The following KLF12 variants were observed in gnomAD, a reference collection of about 807,000 sequenced individuals.
KLF12 encodes Krueppel-like factor 12.
A neutral mutation model predicts 37.8 loss-of-function variants in KLF12; 9 were observed. The ratio of observed to expected loss-of-function variants is 0.24; its 90% CI spans 0.14 to 0.42. KLF12 has a LOEUF of 0.42. Among genes scored for constraint, KLF12 ranks in the 10% least tolerant of loss-of-function variants. The probability of loss-of-function intolerance (pLI) is 1.00; values close to 1 mark genes in which losing one functional copy is unlikely to be tolerated. For missense variants in KLF12, 411 were observed against 516.0 expected (o/e 0.80, Z 1.97); for synonymous variants, 208 against 202.1 (o/e 1.03, Z -0.25).
intron 1 of KLF12, among the ~76,000 whole-genome samples, chr13:74,085,894 G>A (rs925239883): frequency 1.3e-5 from 2 of 152,060 alleles, no homozygotes; most frequent in African/African-American, 4.8e-5. Context: ...GCTGGTACCT[G>A]CTAAAATGCT....
At chr13:73,930,860 ATTT>A (rs11432866) in intron 3 of KLF12, among the ~76,000 whole-genome samples, 2,413 of 109,386 alleles carry the variant, frequency 0.022, 14 homozygotes, top group Middle Eastern at 0.049. Flanking sequence ...AACTGGAAAC[ATTT>A]TTTTTTTTTT....
intron 1 of KLF12, among the ~76,000 whole-genome samples, chr13:74,003,142 C>A (rs183575357): frequency 6.6e-6 from 1 of 152,198 alleles, no homozygotes; most frequent in Admixed American, 6.5e-5. Flanking sequence ...GATTAAGATG[C>A]CATCCTTAGT....
chr13:74,253,194 A>G, the KLF12 span, among the ~76,000 whole-genome samples: 36 of 152,340 alleles, frequency 2.4e-4, no homozygotes, highest in African/African-American at 8.2e-4. Context: ...TTTTAAAATA[A>G]CGTTAATCTA....
intron 6 of KLF12, among the ~76,000 whole-genome samples, chr13:73,748,373 C>G (rs575130310): frequency 1.3e-5 from 2 of 152,152 alleles, no homozygotes; most frequent in East Asian, 1.9e-4. Flanking sequence ...AAAATTCACA[C>G]GTTGAAGCCA....
intron 3 of KLF12, among the ~76,000 whole-genome samples, chr13:73,925,865 G>A (rs1889351581): frequency 6.6e-6 from 1 of 152,154 alleles, no homozygotes; most frequent in South Asian, 2.1e-4. Flanking sequence ...TAAGACTTCA[G>A]CGGAGGAAGG....
intron 3 of KLF12, among the ~76,000 whole-genome samples, chr13:73,917,464 G>T (rs116873866): frequency 0.055 from 8,407 of 151,994 alleles, 247 homozygotes; most frequent in African/African-American, 0.077. Flanking sequence ...TTTTGTACCC[G>T]CCCATACTGC....
chr13:73,713,130 T>A (rs902214390), intron 7 of KLF12, among the ~76,000 whole-genome samples: 2 of 152,118 alleles, frequency 1.3e-5, no homozygotes, highest in Admixed American at 1.3e-4. Flanking sequence ...CTGGAGGTGT[T>A]TGATTTGGAG....
intron 4 of KLF12, among the ~76,000 whole-genome samples, chr13:73,826,199 T>C (rs1473091430): frequency 1.3e-5 from 2 of 151,970 alleles, no homozygotes; most frequent in Non-Finnish European, 2.9e-5. Flanking sequence ...TGTCTCTATC[T>C]CCTGACCTCG....
intron 5 of KLF12, chr13:73,799,963 G>C: frequency 6.6e-6 from 1 of 152,032 alleles, no homozygotes; most frequent in Middle Eastern, 3.2e-3. Context: ...CAATTATTTA[G>C]ATAATAGTTT....
At chr13:74,245,299 A>G in the KLF12 span, among the ~76,000 whole-genome samples, 77 of 120,356 alleles carry the variant, frequency 6.4e-4, 4 homozygotes, top group East Asian at 0.017. Context: ...AAGTTTATCT[A>G]TCTATCTATC....
intron 5 of KLF12, among the ~76,000 whole-genome samples, chr13:73,780,443 A>T (rs1343126296): frequency 6.7e-6 from 1 of 149,508 alleles, no homozygotes; most frequent in Non-Finnish European, 1.5e-5. Context: ...ATGCCTTTGC[A>T]TCCTCATAGC....
chr13:74,073,162 C>T (rs1593877190), intron 1 of KLF12, among the ~76,000 whole-genome samples: 1 of 152,210 alleles, frequency 6.6e-6, no homozygotes, highest in East Asian at 1.9e-4. Context: ...TGTGAGTCCA[C>T]TAAACCTCTT....
the KLF12 span, among the ~76,000 whole-genome samples, chr13:74,186,728 G>T: frequency 5.9e-5 from 9 of 152,152 alleles, no homozygotes; most frequent in Non-Finnish European, 1.0e-4. Flanking sequence ...TAAAAAAATA[G>T]TTAAGCCATG....
the KLF12 span, among the ~76,000 whole-genome samples, chr13:74,218,735 G>C: frequency 6.6e-6 from 1 of 152,266 alleles, no homozygotes; most frequent in South Asian, 2.1e-4. Flanking sequence ...ATGAGATAAC[G>C]AGTCTAACAT....
upstream of KLF12, among the ~76,000 whole-genome samples, chr13:74,135,713 G>C (rs1175410965): frequency 1.3e-5 from 2 of 152,052 alleles, no homozygotes; most frequent in Non-Finnish European, 2.9e-5. Flanking sequence ...CCCCCGGCCC[G>C]GCCCGCCCCG....
At chr13:73,875,594 T>C (rs879563752) in intron 3 of KLF12, among the ~76,000 whole-genome samples, 2 of 152,138 alleles carry the variant, frequency 1.3e-5, no homozygotes, top group African/African-American at 2.4e-5. Flanking sequence ...CAGGAATCTA[T>C]ATATGTTTAT....
chr13:73,782,528 G>A (rs1881030020), intron 5 of KLF12, among the ~76,000 whole-genome samples: 1 of 152,200 alleles, frequency 6.6e-6, no homozygotes, highest in Non-Finnish European at 1.5e-5. Flanking sequence ...ATGAAGAAAT[G>A]TTTAAATGCT....
the KLF12 span, among the ~76,000 whole-genome samples, chr13:74,227,726 C>A: frequency 6.6e-6 from 1 of 152,146 alleles, no homozygotes; most frequent in East Asian, 1.9e-4. Flanking sequence ...GTGGGCAATT[C>A]ATGGAAACAT....
chr13:73,974,877 T>C (rs1231655099), intron 2 of KLF12, among the ~76,000 whole-genome samples: 1 of 152,232 alleles, frequency 6.6e-6, no homozygotes, highest in Non-Finnish European at 1.5e-5. Context: ...TTATTTGCTG[T>C]TTGTTTAGTA....
Sources: allele counts gnomAD v4.1 joint callset (sites outside exome capture counted in the v4.1 genomes callset), GRCh38; gene constraint gnomAD v4.1.1; transcripts MANE v1.5; gene names NCBI Gene and HGNC (gene_info 2026-07-23, HGNC 2026-07-21).